The following PTPRD variants were observed in gnomAD, a reference collection of about 807,000 sequenced individuals.
PTPRD encodes the protein protein tyrosine phosphatase receptor type D.
In PTPRD, 34 loss-of-function variants were observed where a neutral mutation model predicts 214.5. The ratio of observed to expected loss-of-function variants is 0.16; its 90% CI spans 0.12 to 0.21. The LOEUF (loss-of-function observed/expected upper bound fraction) is 0.21. Among genes scored for constraint, PTPRD ranks in the 10% least tolerant of loss-of-function variants. PTPRD has a pLI of 1.00. For missense variants in PTPRD, 2,545 were observed against 2,398.7 expected, an observed-to-expected ratio of 1.06 and a Z score of -1.27; for synonymous variants, 1,128 against 845.7, an observed-to-expected ratio of 1.33 and a Z score of -5.79.
At chr9:9,508,594 C>A (rs1365187394) in intron 8 of PTPRD, among the ~76,000 whole-genome samples, 1 of 151,434 alleles carries the variant, frequency 6.6e-6, no homozygotes, top group Non-Finnish European at 1.5e-5. Context: ...CCCTTGCTTT[C>A]CAACTAAAGC....
chr9:10,066,836 A>G (rs958833192), intron 3 of PTPRD, among the ~76,000 whole-genome samples: 2 of 151,864 alleles, frequency 1.3e-5, no homozygotes, highest in Non-Finnish European at 1.5e-5. Flanking sequence ...GTGTACTCAT[A>G]TATTCTCACA....
Position 9,935,686 on chromosome 9 carries a change from A to C in PTPRD, c.-368+2821T>G, listed in dbSNP as rs549953265. On this transcript the variant is annotated intron_variant, in intron 5 of 45. Transcript: ENST00000381196. ...TTACAGATTCAATGCCATCCCCATC[A>C]AGCTACCAATGACTTTCTTCACAGA... 7.4e-4 allele frequency among the ~76,000 whole-genome samples: 110 copies of C among 147,868 alleles called. 1 individual carries two copies. The East Asian group carries it at 0.014, about 19-fold the overall frequency.
At chr9:9,042,409 C>G (rs189760965) in intron 10 of PTPRD, among the ~76,000 whole-genome samples, 13 of 152,156 alleles carry the variant, frequency 8.5e-5, no homozygotes, top group African/African-American at 3.1e-4. Context: ...GGCAGGAGAA[C>G]AGTTAGACTG....
At chr9:9,210,061 C>T (rs1409150620) in intron 9 of PTPRD, among the ~76,000 whole-genome samples, 1 of 151,986 alleles carries the variant, frequency 6.6e-6, no homozygotes, top group Non-Finnish European at 1.5e-5. Context: ...CAACCTTTGC[C>T]CCAGCGGAAA....
chr9:9,704,782 G>C (rs1268212459), intron 7 of PTPRD, among the ~76,000 whole-genome samples: 2 of 152,114 alleles, frequency 1.3e-5, no homozygotes, highest in Non-Finnish European at 2.9e-5. Flanking sequence ...TAGGCTACTA[G>C]CCATACCCAC....
intron 4 of PTPRD, among the ~76,000 whole-genome samples, chr9:9,968,251 T>C (rs1566811615): frequency 6.6e-6 from 1 of 152,176 alleles, no homozygotes; most frequent in East Asian, 1.9e-4. Flanking sequence ...CAACTTCCAG[T>C]GAAGCTGGAG....
At chr9:8,627,910 T>A (rs988589061) in intron 14 of PTPRD, among the ~76,000 whole-genome samples, 7 of 152,006 alleles carry the variant, frequency 4.6e-5, no homozygotes, top group Admixed American at 1.3e-4. Flanking sequence ...CACTACCACC[T>A]TTTCCCAGCA....
In PTPRD at chr9:10,047,337, T is replaced by TGTGTGTGTGTGTGC. The variant is rs1491445418; in HGVS notation, c.-544-13548_-544-13547insGCACACACACACAC. On this transcript the variant is annotated intron_variant, in intron 3 of 45. Transcript: ENST00000381196. ...CTGTGTGTGTGTGTGTGTGTGTGTG[T>TGTGTGTGTGTGTGC]GCGTGTGTGTGTGTGCTTGTGTGAT... is the stretch of plus-strand genomic sequence containing the variant. Among the ~76,000 whole-genome samples, 564 of 144,234 alleles carry TGTGTGTGTGTGTGC rather than the reference T, an allele frequency of 3.9e-3. 8 individuals carry two copies. In the East Asian group the frequency reaches 0.041, roughly 11 times the overall value. 94.6% of individuals were successfully genotyped at this position (144,234 alleles called of 152,430 possible). A position where few individuals can be genotyped will look rare whatever the true frequency, so the allele number is the denominator to read the frequency against.
chr9:10,243,208 G>A (rs1784033187), intron 3 of PTPRD, among the ~76,000 whole-genome samples: 3 of 151,932 alleles, frequency 2.0e-5, no homozygotes, highest in South Asian at 4.1e-4. Context: ...TGAAGTTGCT[G>A]CTTTGAGACT....
chr9:10,121,994 T>C (rs1365854316), intron 3 of PTPRD, among the ~76,000 whole-genome samples: 2 of 152,170 alleles, frequency 1.3e-5, no homozygotes, highest in Non-Finnish European at 2.9e-5. Flanking sequence ...CACAATAGCT[T>C]CGGGCTTTTA....
intron 10 of PTPRD, among the ~76,000 whole-genome samples, chr9:9,069,310 AG>A (rs2099740377): frequency 6.6e-6 from 1 of 152,248 alleles, no homozygotes; most frequent in African/African-American, 2.4e-5. Flanking sequence ...ATACAAAAAA[AG>A]TATAAAGAAG....
intron 11 of PTPRD, among the ~76,000 whole-genome samples, chr9:9,017,319 C>A (rs1469987052): frequency 6.6e-6 from 1 of 152,072 alleles, no homozygotes; most frequent in Non-Finnish European, 1.5e-5. Flanking sequence ...GATAGAAAAA[C>A]TCAATTCTAC....
intron 7 of PTPRD, among the ~76,000 whole-genome samples, chr9:9,709,359 C>T (rs920908645): frequency 6.6e-6 from 1 of 151,904 alleles, no homozygotes; most frequent in African/African-American, 2.4e-5. Flanking sequence ...TCTCTTAAAA[C>T]TGAAATGGCA....
chr9:9,320,961 C>A (rs915834107), intron 9 of PTPRD, among the ~76,000 whole-genome samples: 2 of 152,108 alleles, frequency 1.3e-5, no homozygotes, highest in African/African-American at 4.8e-5. Context: ...AGTGAACAGA[C>A]CTTGCCTGCT....
intron 11 of PTPRD, among the ~76,000 whole-genome samples, chr9:8,951,254 C>G (rs1163158707): frequency 6.7e-6 from 1 of 150,336 alleles, no homozygotes; most frequent in Non-Finnish European, 1.5e-5. Context: ...TGGTATACTA[C>G]ACTTCTCTAT....
chr9:9,823,726 G>A (rs527972096), intron 5 of PTPRD, among the ~76,000 whole-genome samples: 91 of 152,092 alleles, frequency 6.0e-4, no homozygotes, highest in African/African-American at 2.1e-3. Context: ...CAGAGGCTAG[G>A]AATTATAGTG....
chr9:10,208,339 C>A (rs887500338), intron 3 of PTPRD, among the ~76,000 whole-genome samples: 1 of 152,120 alleles, frequency 6.6e-6, no homozygotes, highest in Non-Finnish European at 1.5e-5. Flanking sequence ...ACGGTGAAAC[C>A]CCGTCTCTAC....
intron 14 of PTPRD, among the ~76,000 whole-genome samples, chr9:8,566,847 G>A (rs2089438926): frequency 6.6e-6 from 1 of 152,162 alleles, no homozygotes; most frequent in South Asian, 2.1e-4. Flanking sequence ...AAATGTTGCA[G>A]TTCTCAAAAA....
intron 12 of PTPRD, among the ~76,000 whole-genome samples, chr9:8,671,383 G>C (rs1012523394): frequency 1.3e-5 from 2 of 151,978 alleles, no homozygotes; most frequent in Non-Finnish European, 2.9e-5. Flanking sequence ...AAGTAACAAT[G>C]GTAGGAAATA....
Sources: allele counts gnomAD v4.1 joint callset (sites outside exome capture counted in the v4.1 genomes callset), GRCh38; gene constraint gnomAD v4.1.1; transcripts MANE v1.5; gene names NCBI Gene and HGNC (gene_info 2026-07-23, HGNC 2026-07-21).